The following SYNE1 variants were observed in gnomAD, a reference collection of about 807,000 sequenced individuals.
SYNE1 encodes nesprin-1.
SYNE1 carries 616 observed loss-of-function variants against 1,111.0 expected under a neutral mutation model. The ratio of observed to expected loss-of-function variants is 0.55; its 90% CI spans 0.52 to 0.59. SYNE1 has a LOEUF of 0.59. Among genes scored for constraint, SYNE1 ranks in the 20% least tolerant of loss-of-function variants. The pLI is 0.00. For synonymous variants in SYNE1, 3,855 were observed against 3,825.8 expected (o/e 1.01, Z -0.28); for missense variants, 10,006 against 10,417.0 (o/e 0.96, Z 1.72).
At chr6:152,256,431 AAAATAAATAAATAAAT>A (rs3038206) in intron 102 of SYNE1, among the ~76,000 whole-genome samples, 187 bp downstream of exon 102, 1 of 147,072 alleles carries the variant, frequency 6.8e-6, no homozygotes, top group Non-Finnish European at 1.5e-5. Flanking sequence ...CTCGGTCTAA[AAAATAAATAAATAAAT>A]AAATAAATAA....
At chr6:152,450,952 A>G (rs1180927358) in intron 26 of SYNE1, 95 bp downstream of exon 26, 3 of 1,598,466 alleles carry the variant, frequency 1.9e-6, no homozygotes, top group Non-Finnish European at 2.6e-6. Flanking sequence ...TAATTAAGCT[A>G]TTATTTTTCA....
rs147928264 is a variant in SYNE1, at chr6:152,331,578, C to T, written c.13107G>A (p.Glu4369=). ...CTGGAGGAGGGCTCTGCTTAAGGGCCTCGGCGATGTTGGGTTGTTGCTCTT... is the reference window on the plus strand; with the variant it reads ...CTGGAGGAGGGCTCTGCTTAAGGGCTTCGGCGATGTTGGGTTGTTGCTCTT... ...WAEEQQPNIA[E]ALKQSPPPDM... Residue 4369 remains glutamate (E), a synonymous_variant, in exon 78 of 146, where the codon GAG becomes GAA. Transcript: ENST00000367255. 1.5e-5 allele frequency: 25 copies of T among 1,614,010 alleles called. No homozygotes were observed. The South Asian group carries it at 2.2e-4, about 14-fold the overall frequency.
At chr6:152,154,244 T>C (rs959772504) in intron 133 of SYNE1, among the ~76,000 whole-genome samples, 1 of 152,136 alleles carries the variant, frequency 6.6e-6, no homozygotes, top group Non-Finnish European at 1.5e-5. Flanking sequence ...GGACTCGAGA[T>C]TGTGCAAGCA....
Position 152,376,522 on chromosome 6 carries a change from T to C in SYNE1, c.9183A>G (p.Lys3061=), listed in dbSNP as rs767769460. The stretch of plus-strand genomic sequence containing the variant: ...GAAATCTTTGCTGTAAAATCTGTTC[T>C]TTATTCTGGCAGCCCTTGGATGCTT... The part of the protein sequence containing the change: ...CLQASKGCQN[K]EQILQQRFRK... The change falls in exon 58 of 146, where the codon AAA becomes AAG. Residue 3061 remains lysine, a synonymous_variant. Transcript: ENST00000367255. 7.4e-6 allele frequency: 12 copies of C among 1,614,054 alleles called. No individual in the cohort carries two copies. In the African/African-American group the frequency reaches 1.5e-4, roughly 20 times the overall value.
intron 130 of SYNE1, among the ~76,000 whole-genome samples, chr6:152,175,404 A>C (rs576353670): frequency 6.6e-6 from 1 of 152,212 alleles, no homozygotes; most frequent in Non-Finnish European, 1.5e-5. Flanking sequence ...CGCAGAGGAC[A>C]TTGTTTCACG....
intron 3 of SYNE1, among the ~76,000 whole-genome samples, chr6:152,560,694 T>C (rs2099392454): frequency 6.6e-6 from 1 of 152,110 alleles, no homozygotes; most frequent in African/African-American, 2.4e-5. Context: ...AATGAAACAC[T>C]AGCAAACCAA....
intron 12 of SYNE1, among the ~76,000 whole-genome samples, chr6:152,485,318 A>G (rs1342279523): frequency 6.6e-6 from 1 of 152,216 alleles, no homozygotes; most frequent in African/African-American, 2.4e-5. Context: ...TTTGTGTACC[A>G]GTATATGTTT....
At chr6:152,303,258 A>G (rs2095263879) in intron 91 of SYNE1, among the ~76,000 whole-genome samples, 1 of 151,904 alleles carries the variant, frequency 6.6e-6, no homozygotes. Flanking sequence ...GTTCAAGACC[A>G]GCCTGGCCAA....
rs1431261004 is a variant in SYNE1 at position 152,350,293 on chromosome 6, C to T, written c.11776G>A (p.Asp3926Asn). 6.2e-7 allele frequency: 1 copy of T among 1,614,186 alleles called. No individual in the cohort carries two copies. The highest frequency in any genetic ancestry group is 1.7e-5 in the Admixed American group (1 of 60,014). The stretch of plus-strand genomic sequence containing the variant: ...ACCTCTTGGAGCTCACTGTTGTAGT[C>T]TTCATGGTCTTTGACTTTCGCCTCC... Reference protein sequence around the residue: ...SLEAKVKDHEDYNSELQEVEK... With the variant: ...SLEAKVKDHENYNSELQEVEK... The change falls in exon 72 of 146, where the codon GAC becomes AAC. Residue 3926 changes from aspartate (D) to asparagine (N), a missense_variant. Physicochemically the swap from Asp to Asn is conservative, Grantham distance 23. Around this residue, in one of 7 missense-constraint regions of SYNE1, gnomAD observed 4,955 missense variants for 5,017.2 expected, o/e 0.99. Transcript: ENST00000367255.
intron 3 of SYNE1, among the ~76,000 whole-genome samples, chr6:152,608,901 C>G (rs1256828042): frequency 1.3e-5 from 2 of 151,994 alleles, no homozygotes; most frequent in African/African-American, 2.4e-5. Flanking sequence ...CCACTGCACT[C>G]CAGCGTGGTG....
At chr6:152,196,820 C>A (rs79007378) in intron 127 of SYNE1, among the ~76,000 whole-genome samples, 15,570 of 152,022 alleles carry the variant, frequency 0.1, 914 homozygotes, top group East Asian at 0.19. Context: ...AGTCCACTGG[C>A]TCCAAGCCCA....
intron 16 of SYNE1, among the ~76,000 whole-genome samples, chr6:152,471,214 CATAGTT>C (rs1479754590): frequency 6.6e-6 from 1 of 152,016 alleles, no homozygotes; most frequent in Non-Finnish European, 1.5e-5. Flanking sequence ...CTAAACTAGT[CATAGTT>C]GAATTTTAAA....
chr6:152,193,900 C>T (rs1194312926), intron 127 of SYNE1, among the ~76,000 whole-genome samples: 1 of 151,576 alleles, frequency 6.6e-6, no homozygotes, highest in African/African-American at 2.4e-5. Context: ...GTAGTCCCAG[C>T]TACTCAGGAG....
chr6:152,443,854 G>A (rs1282172666), intron 30 of SYNE1, among the ~76,000 whole-genome samples: 1 of 152,110 alleles, frequency 6.6e-6, no homozygotes, highest in Non-Finnish European at 1.5e-5. Context: ...CAGACTATCA[G>A]AAATTAAGTT....
At chr6:152,538,200 T>C (rs373392932) in intron 4 of SYNE1, among the ~76,000 whole-genome samples, 1 of 152,142 alleles carries the variant, frequency 6.6e-6, no homozygotes, top group East Asian at 1.9e-4. Context: ...TTCTAGAAAT[T>C]TATCCTAAGA....
intron 15 of SYNE1, chr6:152,472,030 T>C: frequency 1.7e-6 from 1 of 591,700 alleles, no homozygotes; most frequent in Non-Finnish European, 3.0e-6. Context: ...CAATATTACA[T>C]AATGTTCCTT....
intron 44 of SYNE1, among the ~76,000 whole-genome samples, chr6:152,407,687 A>G (rs1295408569): frequency 6.6e-6 from 1 of 152,134 alleles, no homozygotes; most frequent in East Asian, 1.9e-4. Flanking sequence ...CACTCTTCCT[A>G]TAATGATATG....
At position 152,236,857 on chromosome 6, in the gene SYNE1, T is replaced by G. The variant is rs367790193; in HGVS notation, c.20159A>C (p.Glu6720Ala). ...SSIPSVGLVEENEDRLIDRIT... is the reference protein window; with the variant it reads ...SSIPSVGLVEANEDRLIDRIT... ...GCGGTCAATAAGCCTGTCCTCGTTCTCCTCCACCAGACCCACGCTTGGGAT... is the reference window on the plus strand; with the variant it reads ...GCGGTCAATAAGCCTGTCCTCGTTCGCCTCCACCAGACCCACGCTTGGGAT... Residue 6720 changes from glutamate to alanine, a missense_variant, in exon 109 of 146, where the codon GAG becomes GCG. By Grantham distance (107) the Glu-to-Ala change is moderately radical (BLOSUM62 -1). This residue lies in a region of SYNE1 where 2,182 missense variants were observed against 2,287.8 expected (regional missense o/e 0.95). Transcript: ENST00000367255. The G allele has an allele frequency of 2.4e-4, 393 of 1,614,054 alleles. No individual in the cohort carries two copies. The highest frequency in any genetic ancestry group is 3.2e-4 in the Non-Finnish European group (375 of 1,180,032).
intron 4 of SYNE1, among the ~76,000 whole-genome samples, chr6:152,530,319 G>C (rs1192000813): frequency 6.6e-6 from 1 of 152,132 alleles, no homozygotes; most frequent in Non-Finnish European, 1.5e-5. Flanking sequence ...AGGCACAACT[G>C]ACGTGTCTAA....
Sources: gnomAD v4.1 joint callset for allele counts (sites outside exome capture counted in the v4.1 genomes callset) on GRCh38, gnomAD v4.1.1 for gene constraint, gnomAD v4.1.1 regional missense constraint, MANE v1.5 for transcripts, NCBI Gene and HGNC (gene_info 2026-07-23, HGNC 2026-07-21) for gene names.